The following MNAT1 variants were observed in gnomAD, a reference collection of about 807,000 sequenced individuals.
MNAT1 encodes CDK-activating kinase assembly factor MAT1.
MNAT1 carries 43 observed loss-of-function variants against 42.0 expected under a neutral mutation model. The ratio of observed to expected loss-of-function variants is 1.02; its 90% CI spans 0.80 to 1.32. The LOEUF is 1.32. Ranked by LOEUF, MNAT1 falls within the 40% of genes most tolerant of loss-of-function variation. MNAT1 has a pLI of 0.00. For synonymous variants in MNAT1, 118 were observed against 120.0 expected, an observed-to-expected ratio of 0.98 and a Z score of 0.11; for missense variants, 306 against 350.4, an observed-to-expected ratio of 0.87 and a Z score of 1.01.
At chr14:60,872,835 TACACACACAC>T (rs200338598) in intron 6 of MNAT1, among the ~76,000 whole-genome samples, 2 of 146,848 alleles carry the variant, frequency 1.4e-5, no homozygotes, top group African/African-American at 5.2e-5. Context: ...CACACACACA[TACACACACAC>T]ACACACACAC....
intron 7 of MNAT1, among the ~76,000 whole-genome samples, chr14:60,911,918 G>A (rs1038584056): frequency 2.0e-5 from 3 of 151,946 alleles, no homozygotes; most frequent in African/African-American, 7.3e-5. Context: ...GTTGACAGTG[G>A]GGTGTTAAAG....
chr14:60,756,783 GC>G (rs1397613203), intron 1 of MNAT1, among the ~76,000 whole-genome samples: 1 of 152,084 alleles, frequency 6.6e-6, no homozygotes, highest in Non-Finnish European at 1.5e-5. Flanking sequence ...ACAAAATAGA[GC>G]CATGTCTATT....
intron 6 of MNAT1, among the ~76,000 whole-genome samples, chr14:60,875,846 C>T (rs1202421531): frequency 1.3e-5 from 2 of 152,078 alleles, no homozygotes; most frequent in Non-Finnish European, 2.9e-5. Context: ...TATTATCTTC[C>T]TTGGAAGGTA....
intron 7 of MNAT1, among the ~76,000 whole-genome samples, chr14:60,907,552 G>T (rs571767385): frequency 6.6e-6 from 1 of 151,586 alleles, no homozygotes; most frequent in African/African-American, 2.4e-5. Flanking sequence ...AGGCCTAAGC[G>T]GGCAGATCAC....
At chr14:60,901,342 G>A (rs1277554952) in intron 7 of MNAT1, among the ~76,000 whole-genome samples, 1 of 152,164 alleles carries the variant, frequency 6.6e-6, no homozygotes, top group Non-Finnish European at 1.5e-5. Flanking sequence ...ATTACATCTG[G>A]TCACCTAAGA....
chr14:60,883,755 G>T (rs1958279), intron 7 of MNAT1, among the ~76,000 whole-genome samples: 1 of 151,734 alleles, frequency 6.6e-6, no homozygotes, highest in Non-Finnish European at 1.5e-5. Context: ...AATTTTTTGC[G>T]TCAGTATTTT....
rs535355606 is a variant in MNAT1, at chr14:60,744,117, A to G, written c.89+9166A>G. Among the ~76,000 whole-genome samples, 5 of 152,106 alleles carry G rather than the reference A, an allele frequency of 3.3e-5. No homozygotes were observed. In the South Asian group the frequency reaches 1.0e-3, roughly 32 times the overall value. On this transcript the variant is annotated intron_variant, in intron 1 of 7. Transcript: ENST00000261245. ...GTCTGTAAGAGTTAACTCCTTGGCT[A>G]TCTCAGGGTTGGTTTCTTTTTTGTT... is the stretch of plus-strand genomic sequence containing the variant.
chr14:60,800,007 G>A (rs1470375998), intron 3 of MNAT1, among the ~76,000 whole-genome samples: 1 of 152,082 alleles, frequency 6.6e-6, no homozygotes, highest in South Asian at 2.1e-4. Flanking sequence ...TTGTCTCATT[G>A]AAGTAACTGT....
chr14:60,832,726 G>A (rs906807867), intron 6 of MNAT1, among the ~76,000 whole-genome samples: 6 of 152,014 alleles, frequency 3.9e-5, no homozygotes, highest in Non-Finnish European at 7.4e-5. Context: ...AAAGTTAATG[G>A]TACCTTGATA....
At chr14:60,739,730 A>G (rs1896411316) in intron 1 of MNAT1, among the ~76,000 whole-genome samples, 1 of 152,216 alleles carries the variant, frequency 6.6e-6, no homozygotes, top group Admixed American at 6.5e-5. Context: ...CATTGTCTCA[A>G]TTACAGAAAA....
intron 7 of MNAT1, among the ~76,000 whole-genome samples, chr14:60,937,716 C>CT (rs1225070067): frequency 6.6e-6 from 1 of 151,272 alleles, no homozygotes; most frequent in Non-Finnish European, 1.5e-5. Flanking sequence ...GATGCGGGCT[C>CT]TTTTTTGGTT....
intron 1 of MNAT1, among the ~76,000 whole-genome samples, chr14:60,762,693 G>A (rs4902002): frequency 0.69 from 93,342 of 135,526 alleles, 32,012 homozygotes; most frequent in Admixed American, 0.75. Flanking sequence ...GCAACAGAGC[G>A]AGACTCTGTC....
chr14:60,940,963 A>G (rs2036144666), intron 7 of MNAT1, among the ~76,000 whole-genome samples: 1 of 152,224 alleles, frequency 6.6e-6, no homozygotes. Context: ...GAAACTCTAG[A>G]TAATGTTAAC....
intron 1 of MNAT1, among the ~76,000 whole-genome samples, chr14:60,736,728 T>G: frequency 6.6e-6 from 1 of 152,252 alleles, no homozygotes; most frequent in Admixed American, 6.5e-5. Context: ...AATGACTAAC[T>G]CTTTGTTAGC....
At position 60,734,784 on chromosome 14, in the gene MNAT1, C is replaced by T. The variant is rs1896254276; in HGVS notation, c.-79C>T. Reference sequence around the variant, plus strand: ...CCAAGCGCCTGTTGGTAGGAACCTGCTTGGTCGCGTCTGAGGGGGCTTGTA... The same window carrying T: ...CCAAGCGCCTGTTGGTAGGAACCTGTTTGGTCGCGTCTGAGGGGGCTTGTA... On this transcript the variant is annotated 5_prime_UTR_variant, in exon 1 of 8. Transcript: ENST00000261245. This position sits in a 1 kb window ranked among gnomAD's most constrained non-coding sequence, Gnocchi z 4.3. 5.1e-6 allele frequency: 7 copies of T among 1,361,516 alleles called. No individual in the cohort carries two copies. Among genetic ancestry groups the T allele is most frequent in the Middle Eastern group, 1.8e-4 (1 of 5,572 alleles). 84.3% of individuals were successfully genotyped at this position (1,361,516 alleles called of 1,614,324 possible).
chr14:60,766,548 T>C (rs1362750146), intron 1 of MNAT1, among the ~76,000 whole-genome samples: 1 of 151,308 alleles, frequency 6.6e-6, no homozygotes, highest in Non-Finnish European at 1.5e-5. Flanking sequence ...TCCATTTCTA[T>C]TAAAAATACA....
chr14:60,783,056 C>T (rs1364741463), intron 1 of MNAT1, among the ~76,000 whole-genome samples: 10 of 152,118 alleles, frequency 6.6e-5, no homozygotes, highest in Admixed American at 2.0e-4. Flanking sequence ...AGTAGATGTT[C>T]GTAGGTGATG....
intron 6 of MNAT1, among the ~76,000 whole-genome samples, chr14:60,863,788 G>A (rs1351379646): frequency 6.6e-6 from 1 of 151,898 alleles, no homozygotes; most frequent in Non-Finnish European, 1.5e-5. Flanking sequence ...TTTGTAGTTC[G>A]TCTCATAAAA....
intron 7 of MNAT1, among the ~76,000 whole-genome samples, chr14:60,943,029 TGTGTGTGTGTGTGTGTGTGTGC>T: frequency 7.4e-6 from 1 of 134,742 alleles, no homozygotes; most frequent in African/African-American, 2.9e-5. Flanking sequence ...TGTGTGTGTG[TGTGTGTGTGTGTGTGTGTGTGC>T]GCTTTTTTTT....
Sources: allele counts gnomAD v4.1 joint callset (sites outside exome capture counted in the v4.1 genomes callset), GRCh38; gene constraint gnomAD v4.1.1; non-coding constraint Gnocchi (gnomAD v3.1); transcripts MANE v1.5; gene names NCBI Gene and HGNC (gene_info 2026-07-23, HGNC 2026-07-21).